The following ANKH variants were observed in gnomAD, a reference collection of about 807,000 sequenced individuals.
ANKH encodes mineralization regulator ANKH.
Under a neutral mutation model 49.0 loss-of-function variants are expected in ANKH, and 15 were observed. That is an observed-to-expected ratio of 0.31 (90% CI 0.20 to 0.47). ANKH has a LOEUF of 0.47. Ranked by LOEUF, ANKH falls within the 20% of genes least tolerant of loss-of-function variation. The pLI, the probability that ANKH is intolerant of heterozygous loss-of-function variation, is 1.00. For synonymous variants in ANKH, 273 were observed against 260.0 expected (o/e 1.05, Z -0.48); for missense variants, 429 against 652.0 (o/e 0.66, Z 3.72).
At chr5:14,844,838 A>C (rs888391558) in intron 1 of ANKH, among the ~76,000 whole-genome samples, 1 of 152,170 alleles carries the variant, frequency 6.6e-6, no homozygotes, top group Non-Finnish European at 1.5e-5. Flanking sequence ...TTCTTTGTGC[A>C]TAACAAGCTC....
At chr5:14,801,140 G>A (rs983862435) in intron 1 of ANKH, among the ~76,000 whole-genome samples, 5 of 152,214 alleles carry the variant, frequency 3.3e-5, no homozygotes, top group African/African-American at 1.2e-4. Context: ...TCCAAGGGAT[G>A]CCTATATAAT....
chr5:14,820,207 C>T (rs2126585458), intron 1 of ANKH, among the ~76,000 whole-genome samples: 1 of 152,210 alleles, frequency 6.6e-6, no homozygotes, highest in Middle Eastern at 3.4e-3. Flanking sequence ...TCAGTTCTAA[C>T]CATAGAGTTT....
chr5:14,716,975 G>T, intron 8 of ANKH, 140 bp from the exon 9 acceptor site: 1 of 1,033,944 alleles, frequency 9.7e-7, no homozygotes, highest in Non-Finnish European at 1.4e-6. Flanking sequence ...GCTGGTCCCA[G>T]ATCTGCCACC....
At chr5:14,735,935 T>C (rs1738165361) in intron 8 of ANKH, among the ~76,000 whole-genome samples, 1 of 151,506 alleles carries the variant, frequency 6.6e-6, no homozygotes. Context: ...GAATGCAGTT[T>C]CACGGTCTCC....
intron 2 of ANKH, among the ~76,000 whole-genome samples, chr5:14,763,459 C>G (rs1335670774): frequency 6.6e-6 from 1 of 152,228 alleles, no homozygotes; most frequent in Admixed American, 6.5e-5. Context: ...CAGTTTCCTG[C>G]ATATGGGCTG....
chr5:14,720,971 A>T (rs1190622270), intron 8 of ANKH, among the ~76,000 whole-genome samples: 36 of 152,264 alleles, frequency 2.4e-4, no homozygotes, highest in Non-Finnish European at 1.5e-5. Context: ...TGGGATCCAC[A>T]ATCGGGTCAT....
At chr5:14,843,178 T>C (rs966053868) in intron 1 of ANKH, among the ~76,000 whole-genome samples, 17 of 148,152 alleles carry the variant, frequency 1.1e-4, no homozygotes, top group Admixed American at 3.4e-4. Flanking sequence ...GGGTTCTCTT[T>C]TTTTTTTTTT....
intron 1 of ANKH, among the ~76,000 whole-genome samples, chr5:14,813,637 T>C (rs1186315900): frequency 6.6e-6 from 1 of 152,186 alleles, no homozygotes; most frequent in Non-Finnish European, 1.5e-5. Context: ...CTGTAGCCCC[T>C]GCCCACGGCG....
chr5:14,864,903 C>T (rs72736514), intron 1 of ANKH, among the ~76,000 whole-genome samples: 2 of 152,220 alleles, frequency 1.3e-5, no homozygotes, highest in Non-Finnish European at 2.9e-5. Flanking sequence ...TGTATACACA[C>T]ACACACTTAC....
Position 14,792,993 on chromosome 5 carries a change from T to TATATATATATATAAATATATATATATAA in ANKH, c.97-23830_97-23803dup, listed in dbSNP as rs1393040136. 6.6e-4 allele frequency among the ~76,000 whole-genome samples: 60 copies of TATATATATATATAAATATATATATATAA among 90,536 alleles called. 1 individual carries two copies. The Middle Eastern group carries it at 0.017, about 26-fold the overall frequency. The allele number at this position is 90,536 out of a possible 152,430, so 59.4% of individuals were successfully genotyped here. ...ACTCCATCATATATATATATAAAAA[T>TATATATATATATAAATATATATATATAA]ATATATATATATAAATATATATATA... On this transcript the variant is annotated intron_variant, in intron 1 of 11. Coordinates refer to ENST00000284268, the MANE Select transcript of ANKH (RefSeq NM_054027.6).
At chr5:14,718,252 G>T (rs546383952) in intron 8 of ANKH, among the ~76,000 whole-genome samples, 112 of 152,124 alleles carry the variant, frequency 7.4e-4, no homozygotes, top group African/African-American at 2.4e-3. Flanking sequence ...GGTGGGGTGG[G>T]GGGTACCTGG....
At chr5:14,718,595 G>A (rs1737561007) in intron 8 of ANKH, among the ~76,000 whole-genome samples, 1 of 152,178 alleles carries the variant, frequency 6.6e-6, no homozygotes, top group African/African-American at 2.4e-5. Context: ...CGGATGACCT[G>A]ATGTCAGGAG....
intron 1 of ANKH, among the ~76,000 whole-genome samples, chr5:14,799,543 T>G (rs1262055451): frequency 6.6e-6 from 1 of 152,210 alleles, no homozygotes; most frequent in Non-Finnish European, 1.5e-5. Flanking sequence ...GAACTTAAGC[T>G]GACGCCAATG....
chr5:14,853,314 G>A (rs1000755294), intron 1 of ANKH, among the ~76,000 whole-genome samples: 2 of 152,116 alleles, frequency 1.3e-5, no homozygotes, highest in African/African-American at 2.4e-5. Flanking sequence ...GGTGGCTCAC[G>A]CCTGTAATCC....
At chr5:14,786,869 T>C (rs1739994083) in intron 1 of ANKH, among the ~76,000 whole-genome samples, 3 of 152,212 alleles carry the variant, frequency 2.0e-5, no homozygotes, top group Admixed American at 6.5e-5. Flanking sequence ...CAAATAGATG[T>C]TCATGAAAGC....
At chr5:14,721,572 G>A (rs1737659160) in intron 8 of ANKH, among the ~76,000 whole-genome samples, 2 of 152,132 alleles carry the variant, frequency 1.3e-5, no homozygotes, top group South Asian at 4.1e-4. Context: ...TTCAACGAGT[G>A]GATATTTCTT....
chr5:14,839,544 T>C (rs7715323), intron 1 of ANKH, among the ~76,000 whole-genome samples: 43,143 of 151,196 alleles, frequency 0.29, 6,246 homozygotes, highest in Admixed American at 0.35. Flanking sequence ...TTCCTTTCTT[T>C]CGTCTTCAGT....
At chr5:14,840,400 G>A (rs1256582438) in intron 1 of ANKH, among the ~76,000 whole-genome samples, 4 of 152,136 alleles carry the variant, frequency 2.6e-5, no homozygotes, top group Admixed American at 6.5e-5. Context: ...TGTTTGTGCT[G>A]CATTTTTCTA....
intron 1 of ANKH, among the ~76,000 whole-genome samples, chr5:14,811,710 C>T (rs1459199615): frequency 6.6e-6 from 1 of 152,186 alleles, no homozygotes; most frequent in South Asian, 2.1e-4. Flanking sequence ...TAGGGTCTAA[C>T]TCAAAGAGGA....
Sources: allele counts gnomAD v4.1 joint callset (sites outside exome capture counted in the v4.1 genomes callset), GRCh38; gene constraint gnomAD v4.1.1; transcripts MANE v1.5; gene names NCBI Gene and HGNC (gene_info 2026-07-23, HGNC 2026-07-21).